Variants in SLC12A8 observed in about 807,000 individuals in gnomAD.
SLC12A8 encodes the protein solute carrier family 12 member 8, also known as cation-chloride cotransporter 9.
SLC12A8 carries 69 observed loss-of-function variants against 75.6 expected under a neutral mutation model. The ratio of observed to expected loss-of-function variants is 0.91; its 90% CI spans 0.75 to 1.11. The LOEUF (loss-of-function observed/expected upper bound fraction) is 1.11. SLC12A8 is among the 50% of genes most tolerant of loss of function. SLC12A8 has a pLI of 0.00. For missense variants in SLC12A8, 877 were observed against 896.7 expected (o/e 0.98, Z 0.28); for synonymous variants, 365 against 372.8 (o/e 0.98, Z 0.24).
intron 6 of SLC12A8, among the ~76,000 whole-genome samples, chr3:125,133,923 C>T (rs543601187): frequency 1.6e-4 from 25 of 152,144 alleles, no homozygotes; most frequent in African/African-American, 5.8e-4. Flanking sequence ...TTTAGTAATC[C>T]CTCCTTCGTG....
chr3:125,090,877 CT>C (rs2107731718), intron 12 of SLC12A8, among the ~76,000 whole-genome samples: 1 of 152,254 alleles, frequency 6.6e-6, no homozygotes, highest in East Asian at 1.9e-4. Context: ...ATCTGACAAT[CT>C]TTGGCATTCA....
intron 10 of SLC12A8, 76 bp from the exon 11 acceptor site, chr3:125,092,274 G>A (rs1035291368): frequency 2.1e-6 from 2 of 968,824 alleles, no homozygotes; most frequent in Admixed American, 2.0e-5. Flanking sequence ...ATACCTATGA[G>A]CTCCTCTTCC....
chr3:125,169,056 T>G (rs1191443269), intron 5 of SLC12A8, among the ~76,000 whole-genome samples: 1 of 152,174 alleles, frequency 6.6e-6, no homozygotes, highest in Non-Finnish European at 1.5e-5. Flanking sequence ...TGGAGAGGCA[T>G]GAGTTCATTT....
intron 9 of SLC12A8, among the ~76,000 whole-genome samples, chr3:125,109,136 C>T (rs1197813612): frequency 6.6e-6 from 1 of 152,166 alleles, no homozygotes; most frequent in Non-Finnish European, 1.5e-5. Context: ...CCTCCCTCTT[C>T]ACTGGCTGCT....
intron 4 of SLC12A8, among the ~76,000 whole-genome samples, chr3:125,183,875 C>T (rs1209833085): frequency 2.6e-5 from 4 of 152,020 alleles, no homozygotes; most frequent in African/African-American, 9.7e-5. Context: ...ACAGAGCAGG[C>T]CCTGCCACCA....
chr3:125,089,679 C>T (rs182316513), intron 12 of SLC12A8, among the ~76,000 whole-genome samples: 4 of 64,776 alleles, frequency 6.2e-5, no homozygotes, highest in African/African-American at 1.3e-4. Flanking sequence ...TTCTGAAGAA[C>T]CTTTTTCTCT....
intron 5 of SLC12A8, among the ~76,000 whole-genome samples, chr3:125,175,884 G>A (rs1934516054): frequency 6.6e-6 from 1 of 152,204 alleles, no homozygotes; most frequent in Non-Finnish European, 1.5e-5. Flanking sequence ...GGGCCCTGGG[G>A]TTAACCCTTT....
At chr3:125,189,562 C>T (rs1324968486) in intron 3 of SLC12A8, among the ~76,000 whole-genome samples, 1 of 152,214 alleles carries the variant, frequency 6.6e-6, no homozygotes, top group Non-Finnish European at 1.5e-5. Flanking sequence ...CAGCTGTTAG[C>T]TCATAGGGCG....
At chr3:125,185,317 T>A in intron 4 of SLC12A8, among the ~76,000 whole-genome samples, 3 of 144,340 alleles carry the variant, frequency 2.1e-5, no homozygotes, top group African/African-American at 2.6e-5. Context: ...CAAAACGGCG[T>A]CTCAAAAACA....
chr3:125,165,426 A>G lies in SLC12A8; in HGVS notation c.622+12317T>C, dbSNP rs867714427. On this transcript the variant is annotated intron_variant, in intron 5 of 13. Coordinates refer to ENST00000469902, the MANE Select transcript of SLC12A8 (RefSeq NM_024628.6). ...GCTGCCCTAGCTCACTGGAGCCCAG[A>G]AGACCCTTCCTGGCAAAGACATGTA... 4.6e-5 allele frequency among the ~76,000 whole-genome samples: 7 copies of G among 152,322 alleles called. 1 individual carries two copies. In the Middle Eastern group the frequency reaches 0.017, roughly 370 times the overall value.
At chr3:125,098,955 C>A (rs1276339910) in intron 10 of SLC12A8, among the ~76,000 whole-genome samples, 1 of 152,182 alleles carries the variant, frequency 6.6e-6, no homozygotes, top group Non-Finnish European at 1.5e-5. Context: ...ATGGGGAGAT[C>A]CTGGAAATGA....
intron 6 of SLC12A8, among the ~76,000 whole-genome samples, chr3:125,129,546 G>C (rs6799831): frequency 0.017 from 2,566 of 152,278 alleles, 26 homozygotes; most frequent in Non-Finnish European, 0.026. Context: ...TTCCCAGGAA[G>C]CTGCCTGCCC....
chr3:125,141,887 GC>G (rs1161778613), intron 5 of SLC12A8, among the ~76,000 whole-genome samples: 1 of 152,124 alleles, frequency 6.6e-6, no homozygotes, highest in Non-Finnish European at 1.5e-5. Context: ...GGCTCGGAGG[GC>G]GCAGGAAGAG....
chr3:125,105,074 T>A (rs945285117), intron 10 of SLC12A8, among the ~76,000 whole-genome samples: 12 of 148,896 alleles, frequency 8.1e-5, no homozygotes, highest in East Asian at 1.9e-4. Flanking sequence ...ACCAACACTT[T>A]AAAAAAAAAA....
At chr3:125,186,357 G>A (rs1934781913) in intron 4 of SLC12A8, among the ~76,000 whole-genome samples, 1 of 152,086 alleles carries the variant, frequency 6.6e-6, no homozygotes, top group Non-Finnish European at 1.5e-5. Flanking sequence ...ATGCACACAC[G>A]CAGCTCTGTG....
chr3:125,183,965 T>A (rs1031830449), intron 4 of SLC12A8, among the ~76,000 whole-genome samples: 8 of 150,660 alleles, frequency 5.3e-5, no homozygotes, highest in African/African-American at 9.8e-5. Context: ...TGTTTTACTT[T>A]TTATTATTAT....
intron 6 of SLC12A8, among the ~76,000 whole-genome samples, chr3:125,129,189 G>C (rs1183180704): frequency 1.3e-5 from 2 of 152,210 alleles, no homozygotes; most frequent in African/African-American, 4.8e-5. Flanking sequence ...AAGGGTTACA[G>C]GACTTCACAT....
chr3:125,103,624 T>C (rs1263923106), intron 10 of SLC12A8, among the ~76,000 whole-genome samples: 1 of 151,288 alleles, frequency 6.6e-6, no homozygotes, highest in Admixed American at 6.6e-5. Flanking sequence ...GTCATCACAC[T>C]TGGCTCATTG....
At chr3:125,150,606 C>G (rs1933896107) in intron 5 of SLC12A8, among the ~76,000 whole-genome samples, 1 of 152,074 alleles carries the variant, frequency 6.6e-6, no homozygotes, top group South Asian at 2.1e-4. Context: ...ATCTCCAAAC[C>G]AAACGCTGAG....
Sources: gnomAD v4.1 joint callset for allele counts (sites outside exome capture counted in the v4.1 genomes callset) on GRCh38, gnomAD v4.1.1 for gene constraint, MANE v1.5 for transcripts, NCBI Gene and HGNC (gene_info 2026-07-23, HGNC 2026-07-21) for gene names.